The following CCSER1 variants were observed in gnomAD, a reference collection of about 807,000 sequenced individuals.
CCSER1 encodes coiled-coil serine rich protein 1.
In CCSER1, 41 loss-of-function variants were observed where a neutral mutation model predicts 82.0. The observed-to-expected ratio is 0.50, with a 90% CI of 0.39 to 0.65. The LOEUF (loss-of-function observed/expected upper bound fraction) is 0.65. Ranked by LOEUF, CCSER1 falls within the 30% of genes least tolerant of loss-of-function variation. The probability of loss-of-function intolerance (pLI) is 0.00; values close to 1 mark genes in which losing one functional copy is unlikely to be tolerated. For synonymous variants in CCSER1, 414 were observed against 383.9 expected (o/e 1.08, Z -0.92); for missense variants, 1,119 against 1,064.2 (o/e 1.05, Z -0.72).
At chr4:90,477,122 A>G (rs2153594879) in intron 5 of CCSER1, among the ~76,000 whole-genome samples, 1 of 152,344 alleles carries the variant, frequency 6.6e-6, no homozygotes, top group East Asian at 1.9e-4. Context: ...TTGCAAATAT[A>G]TAAGATATTT....
At position 90,903,059 on chromosome 4, in the gene CCSER1, C is replaced by T. The variant is rs374068584; in HGVS notation, c.2095-20311C>T. Among the ~76,000 whole-genome samples, 8 of 152,224 alleles carry T rather than the reference C, an allele frequency of 5.3e-5. No individual in the cohort carries two copies. The South Asian group carries it at 8.3e-4, about 16-fold the overall frequency. On this transcript the variant is annotated intron_variant, in intron 8 of 10. Transcript: ENST00000509176. ...AGGTACACCCTTTGGCTGCTACCACCGCACATTGACCATTCTCTAAAATTG... is the reference window on the plus strand; with the variant it reads ...AGGTACACCCTTTGGCTGCTACCACTGCACATTGACCATTCTCTAAAATTG...
chr4:90,966,205 T>A (rs1034241465), intron 9 of CCSER1, among the ~76,000 whole-genome samples: 27 of 152,084 alleles, frequency 1.8e-4, no homozygotes, highest in African/African-American at 6.5e-4. Flanking sequence ...GAAGATATGA[T>A]GGCCAGAATT....
intron 10 of CCSER1, among the ~76,000 whole-genome samples, chr4:91,466,487 T>A (rs1437961542): frequency 1.3e-5 from 2 of 152,146 alleles, no homozygotes; most frequent in Non-Finnish European, 1.5e-5. Context: ...CAACATAGGG[T>A]TGGAAGTTCT....
intron 7 of CCSER1, among the ~76,000 whole-genome samples, chr4:90,811,796 T>C (rs1318622238): frequency 6.6e-6 from 1 of 151,934 alleles, no homozygotes. Context: ...GTAGTTGTAC[T>C]TAAGAGCTGG....
intron 10 of CCSER1, among the ~76,000 whole-genome samples, chr4:91,277,924 T>C (rs1742612024): frequency 6.6e-6 from 1 of 152,106 alleles, no homozygotes; most frequent in African/African-American, 2.4e-5. Context: ...TCTTTCTTAA[T>C]TGCTTCCTTG....
chr4:90,190,080 A>G (rs988469887), intron 1 of CCSER1, among the ~76,000 whole-genome samples: 1 of 152,014 alleles, frequency 6.6e-6, no homozygotes, highest in Non-Finnish European at 1.5e-5. Flanking sequence ...TTAAACATTT[A>G]TGCATTGTGA....
intron 10 of CCSER1, among the ~76,000 whole-genome samples, chr4:91,441,339 C>A (rs2149406005): frequency 6.6e-6 from 1 of 152,188 alleles, no homozygotes; most frequent in South Asian, 2.1e-4. Context: ...TAAATGTAAC[C>A]CAGCATATAA....
intron 9 of CCSER1, among the ~76,000 whole-genome samples, chr4:90,972,663 A>G (rs981917461): frequency 6.6e-6 from 1 of 151,750 alleles, no homozygotes; most frequent in Non-Finnish European, 1.5e-5. Flanking sequence ...CAGAAAAAAA[A>G]TTCTGAAATT....
intron 10 of CCSER1, among the ~76,000 whole-genome samples, chr4:91,098,588 C>G (rs1319951194): frequency 6.6e-6 from 1 of 151,114 alleles, no homozygotes; most frequent in African/African-American, 2.4e-5. Flanking sequence ...GTTGCCCAGG[C>G]TGGAGAGCAG....
At chr4:91,520,781 G>C (rs1282214584) in intron 10 of CCSER1, among the ~76,000 whole-genome samples, 1 of 151,774 alleles carries the variant, frequency 6.6e-6, no homozygotes, top group East Asian at 1.9e-4. Context: ...TTTTGTTTTT[G>C]CTGTCCTGTT....
chr4:91,016,099 A>C (rs1440594175), intron 9 of CCSER1, among the ~76,000 whole-genome samples: 1 of 152,022 alleles, frequency 6.6e-6, no homozygotes, highest in African/African-American at 2.4e-5. Context: ...TTTGAACACT[A>C]GGAAATGTTT....
intron 10 of CCSER1, among the ~76,000 whole-genome samples, chr4:91,523,967 A>G (rs1300671575): frequency 6.6e-6 from 1 of 152,156 alleles, no homozygotes; most frequent in Non-Finnish European, 1.5e-5. Flanking sequence ...TCACCTATAT[A>G]AAGTCACTGC....
At chr4:90,848,528 C>G (rs1763472554) in intron 8 of CCSER1, among the ~76,000 whole-genome samples, 1 of 152,140 alleles carries the variant, frequency 6.6e-6, no homozygotes, top group South Asian at 2.1e-4. Flanking sequence ...CTTTTCTCCC[C>G]TATTAGTCAT....
chr4:90,943,614 G>A (rs1290465514), intron 9 of CCSER1, among the ~76,000 whole-genome samples: 3 of 152,008 alleles, frequency 2.0e-5, no homozygotes, highest in Admixed American at 2.0e-4. Flanking sequence ...CCAGGCTGGA[G>A]TGCAGTGGTG....
At chr4:91,331,211 G>A (rs1463484162) in intron 10 of CCSER1, among the ~76,000 whole-genome samples, 2 of 152,120 alleles carry the variant, frequency 1.3e-5, no homozygotes, top group Non-Finnish European at 2.9e-5. Flanking sequence ...ATACAGAGGA[G>A]TTGAATAACT....
intron 9 of CCSER1, chr4:91,015,434 G>A (rs1206590393): frequency 1.3e-5 from 2 of 151,946 alleles, no homozygotes; most frequent in African/African-American, 4.8e-5. Context: ...ACAGAAGGAA[G>A]AAAGGAAGGA....
At chr4:90,476,160 G>A (rs939370674) in intron 5 of CCSER1, among the ~76,000 whole-genome samples, 5 of 152,010 alleles carry the variant, frequency 3.3e-5, no homozygotes, top group South Asian at 2.1e-4. Context: ...TTAGATCTGG[G>A]CACTCAGGAT....
At chr4:91,133,530 G>A (rs1728187051) in intron 10 of CCSER1, among the ~76,000 whole-genome samples, 1 of 152,136 alleles carries the variant, frequency 6.6e-6, no homozygotes, top group African/African-American at 2.4e-5. Flanking sequence ...GTATTGAACT[G>A]GACTTAGAGG....
At chr4:90,212,965 G>A (rs1740311106) in intron 1 of CCSER1, among the ~76,000 whole-genome samples, 1 of 152,144 alleles carries the variant, frequency 6.6e-6, no homozygotes, top group African/African-American at 2.4e-5. Context: ...GAGAGTAATG[G>A]CAGATGAGGC....
Sources: allele counts gnomAD v4.1 joint callset (sites outside exome capture counted in the v4.1 genomes callset), GRCh38; gene constraint gnomAD v4.1.1; transcripts MANE v1.5; gene names NCBI Gene and HGNC (gene_info 2026-07-23, HGNC 2026-07-21).